TMPO: variants seen among roughly 807,000 people sequenced by gnomAD.
The protein encoded by TMPO is LEM domain containing 4.
Under a neutral mutation model 45.4 loss-of-function variants are expected in TMPO, and 22 were observed. The ratio of observed to expected loss-of-function variants is 0.48; its 90% CI spans 0.35 to 0.69. TMPO has a LOEUF of 0.69. TMPO is among the 30% of genes least tolerant of loss of function. The pLI is 0.01. For missense variants in TMPO, 512 were observed against 548.8 expected (o/e 0.93, Z 0.67); for synonymous variants, 241 against 204.1 (o/e 1.18, Z -1.54).
intron 1 of TMPO, among the ~76,000 whole-genome samples, chr12:98,520,024 A>G (rs1252923502): frequency 2.0e-5 from 3 of 150,950 alleles, no homozygotes; most frequent in Non-Finnish European, 4.4e-5. Flanking sequence ...CAGTGGCGTG[A>G]TGTCAGCTCA....
At chr12:98,547,539 A>G (rs765023650) in intron 8 of TMPO, 34 bp from the exon 9 acceptor site, 5 of 1,613,544 alleles carry the variant, frequency 3.1e-6, no homozygotes, top group Non-Finnish European at 4.2e-6. Flanking sequence ...TTTATCTAAA[A>G]TTATTTTTCT....
chr12:98,521,937 A>G (rs1429390374), intron 1 of TMPO, among the ~76,000 whole-genome samples: 2 of 152,188 alleles, frequency 1.3e-5, no homozygotes, highest in Non-Finnish European at 2.9e-5. Context: ...CATGTTGGTC[A>G]GGCCGGTCTC....
In TMPO at chr12:98,547,771, T is replaced by C. The variant is rs1404925907; in HGVS notation, c.1278T>C (p.Phe426=). The C allele has an allele frequency of 6.2e-7, 1 of 1,614,082 alleles. No homozygotes were observed. Among genetic ancestry groups the C allele is most frequent in the Non-Finnish European group, 8.5e-7 (1 of 1,180,052 alleles). ...KILLFVVVAV[F]LFLVYQAMET... ...TGCTGTTTGTTGTTGTGGCAGTTTT[T>C]TTGTTTTTGGTCTATCAAGCTATGG... is the stretch of plus-strand genomic sequence containing the variant. The change falls in exon 9 of 9, where the codon TTT becomes TTC. Residue 426 remains phenylalanine (F), a synonymous_variant. Coordinates refer to ENST00000556029, the MANE Select transcript of TMPO (RefSeq NM_001032283.3).
chr12:98,530,685 ACTTTT>A (rs1877130000), intron 2 of TMPO, among the ~76,000 whole-genome samples: 1 of 152,192 alleles, frequency 6.6e-6, no homozygotes, highest in South Asian at 2.1e-4. Flanking sequence ...GATTTATAGA[ACTTTT>A]CTTTTCCCCA....
chr12:98,534,434 A>G, intron 3 of TMPO: 1 of 1,585,500 alleles, frequency 6.3e-7, no homozygotes, highest in South Asian at 1.1e-5. Context: ...GTTTCCAGAT[A>G]GGGCTAATTA....
Position 98,534,071 on chromosome 12 carries a change from G to T in TMPO, c.565+2233G>T, listed in dbSNP as rs566802463. On this transcript the variant is annotated intron_variant, in intron 3 of 8. Transcript: ENST00000556029. ...ATTAGTCAAGCTGCACAGATTCTTAGCTCAGATCCTAGTCGTACCCACCAA... is the reference window on the plus strand; with the variant it reads ...ATTAGTCAAGCTGCACAGATTCTTATCTCAGATCCTAGTCGTACCCACCAA... The T allele has an allele frequency of 3.7e-6, 6 of 1,610,008 alleles. No homozygotes were observed. The African/African-American group carries it at 5.3e-5, about 14-fold the overall frequency.
intron 4 of TMPO, among the ~76,000 whole-genome samples, chr12:98,540,686 G>GTTTTAA (rs1310133004): frequency 6.6e-6 from 1 of 152,172 alleles, no homozygotes; most frequent in African/African-American, 2.4e-5. Context: ...CGGAAACTAT[G>GTTTTAA]TTTTAATTTT....
At chr12:98,547,275 A>C (rs1878281257) in intron 8 of TMPO, among the ~76,000 whole-genome samples, 1 of 152,138 alleles carries the variant, frequency 6.6e-6, no homozygotes, top group South Asian at 2.1e-4. Flanking sequence ...GAGTTTCACC[A>C]TGTTGGCCAG....
At chr12:98,531,959 A>T in intron 3 of TMPO, 121 bp downstream of exon 3, 1 of 748,936 alleles carries the variant, frequency 1.3e-6, no homozygotes, top group Non-Finnish European at 2.2e-6. Context: ...TATTCGTGTC[A>T]TTAGAGTAAT....
In TMPO at chr12:98,547,986, A is replaced by G; in HGVS notation, c.*128A>G. ...TTCGCCTCAATAAATGTAGTATTTC[A>G]TTGAAAAGCAAACAAAATATATATA... On this transcript the variant is annotated 3_prime_UTR_variant, in exon 9 of 9. Transcript: ENST00000556029. The G allele has an allele frequency of 8.9e-7, 1 of 1,121,796 alleles. No individual in the cohort carries two copies. The highest frequency in any genetic ancestry group is 2.4e-5 in the Admixed American group (1 of 42,288). 69.5% of individuals were successfully genotyped at this position (1,121,796 alleles called of 1,614,324 possible).
At chr12:98,526,957 C>CA (rs71226765) in intron 1 of TMPO, among the ~76,000 whole-genome samples, 29,220 of 142,598 alleles carry the variant, frequency 0.2, 2,941 homozygotes, top group South Asian at 0.29. Context: ...ACTCCACCTC[C>CA]AAAAAAAAAA....
At chr12:98,542,509 C>G (rs1161872546) in intron 4 of TMPO, among the ~76,000 whole-genome samples, 1 of 147,264 alleles carries the variant, frequency 6.8e-6, no homozygotes, top group Non-Finnish European at 1.5e-5. Flanking sequence ...GATTGAGAAT[C>G]TCAGATTATA....
rs1439113658 is a variant in TMPO, at chr12:98,544,344, A to G, written c.778A>G (p.Lys260Glu). Residue 260 changes from lysine to glutamate, a missense_variant, in exon 5 of 9, where the codon AAA (lysine) becomes GAA (glutamate). Lys to Glu is a moderately conservative substitution (Grantham distance 56, BLOSUM62 1). Around this residue, in one of 3 missense-constraint regions of TMPO, gnomAD observed 209 missense variants for 235.1 expected, o/e 0.89. Coordinates refer to ENST00000556029, the MANE Select transcript of TMPO (RefSeq NM_001032283.3). ...STRGSRRTPR[K>E]RVETSEHFRI... ...AAGAGGGTCAAGAAGAACTCCAAGG[A>G]AAAGGGTGATGCAAGGCTTATTCCT... 2 of 1,613,716 alleles carry G rather than the reference A, an allele frequency of 1.2e-6. No individual in the cohort carries two copies. Among genetic ancestry groups the G allele is most frequent in the East Asian group, 2.2e-5 (1 of 44,840 alleles).
intron 1 of TMPO, among the ~76,000 whole-genome samples, chr12:98,521,759 T>C (rs1004032919): frequency 1.3e-5 from 2 of 152,174 alleles, no homozygotes; most frequent in African/African-American, 2.4e-5. Context: ...AGAAGGAGTC[T>C]TGCGCTGTCA....
At chr12:98,532,224 T>C (rs1469857091) in intron 3 of TMPO, 1 of 177,884 alleles carries the variant, frequency 5.6e-6, no homozygotes, top group African/African-American at 2.4e-5. Context: ...CATACACATC[T>C]GTCTAATACA....
intron 8 of TMPO, among the ~76,000 whole-genome samples, chr12:98,546,665 G>T (rs772900342): frequency 6.6e-6 from 1 of 152,058 alleles, no homozygotes; most frequent in Non-Finnish European, 1.5e-5. Flanking sequence ...AACATAATGA[G>T]ACTCTGTCTA....
In TMPO at chr12:98,533,214, T is replaced by C. The variant is rs750420116; in HGVS notation, c.565+1376T>C. 1.2e-6 allele frequency: 2 copies of C among 1,614,038 alleles called. No individual in the cohort carries two copies. Among genetic ancestry groups the C allele is most frequent in the Admixed American group, 1.7e-5 (1 of 60,020 alleles). ...CTTCACTGATTAAAGAAACCACCAC[T>C]GGTTACTATAAAGACATAGTAGAAA... On this transcript the variant is annotated intron_variant, in intron 3 of 8. Transcript: ENST00000556029.
At chr12:98,537,689 TTC>T (rs776744463) in intron 4 of TMPO, 117 bp downstream of exon 4, 1 of 837,226 alleles carries the variant, frequency 1.2e-6, no homozygotes, top group South Asian at 1.4e-5. Flanking sequence ...ATAAACTTAA[TTC>T]TGTTGTTAAA....
In TMPO at chr12:98,515,650, C is replaced by G. The variant is rs1565800823; in HGVS notation, c.-218C>G. ...GGCTGGGGTTGGTGCGAGCTTCCAGCTTGGCCGCAGTTGGTTCGTAGTTCG... is the reference window on the plus strand; with the variant it reads ...GGCTGGGGTTGGTGCGAGCTTCCAGGTTGGCCGCAGTTGGTTCGTAGTTCG... On this transcript the variant is annotated 5_prime_UTR_variant, in exon 1 of 9. Coordinates refer to ENST00000556029, the MANE Select transcript of TMPO (RefSeq NM_001032283.3). The G allele has an allele frequency of 2.0e-5, 18 of 923,010 alleles. No individual in the cohort carries two copies. The highest frequency in any genetic ancestry group is 1.7e-4 in the Admixed American group (6 of 35,888). The allele number at this position is 923,010 out of a possible 1,614,324, so 57.2% of individuals were successfully genotyped here. A position where few individuals can be genotyped will look rare whatever the true frequency, so the allele number is the denominator to read the frequency against.
Sources: gnomAD v4.1 joint callset for allele counts (sites outside exome capture counted in the v4.1 genomes callset) on GRCh38, gnomAD v4.1.1 for gene constraint, gnomAD v4.1.1 regional missense constraint, MANE v1.5 for transcripts, NCBI Gene and HGNC (gene_info 2026-07-23, HGNC 2026-07-21) for gene names.